The following ITGAV variants were observed in gnomAD, a reference collection of about 807,000 sequenced individuals.
ITGAV encodes the protein integrin alpha-V.
In ITGAV, 76 loss-of-function variants were observed where a neutral mutation model predicts 143.8. That is an observed-to-expected ratio of 0.53 (90% CI 0.44 to 0.64). ITGAV has a LOEUF of 0.64. Ranked by LOEUF, ITGAV falls within the 30% of genes least tolerant of loss-of-function variation. The pLI is 0.00. For missense variants in ITGAV, 1,193 were observed against 1,274.7 expected (o/e 0.94, Z 0.98); for synonymous variants, 453 against 446.7 (o/e 1.01, Z -0.18).
intron 15 of ITGAV, among the ~76,000 whole-genome samples, chr2:186,653,856 G>T (rs537381307): frequency 6.6e-6 from 1 of 152,088 alleles, no homozygotes; most frequent in East Asian, 1.9e-4. Context: ...TCAGAAAATC[G>T]TACTTACCTT....
rs143576598 is a variant in ITGAV, at chr2:186,629,508, C to A, written c.524-1289C>A. Among the ~76,000 whole-genome samples, 503 of 151,848 alleles carry A rather than the reference C, an allele frequency of 3.3e-3. 2 individuals are homozygous for A. The highest frequency in any genetic ancestry group is 0.012 in the African/African-American group (478 of 41,452). On this transcript the variant is annotated intron_variant, in intron 4 of 29. Coordinates refer to ENST00000261023, the MANE Select transcript of ITGAV (RefSeq NM_002210.5). ...TGGAAACCCCTGCCCCACATTTTCC[C>A]ACTCCCTCTTGGTTAGAAAAATTTA...
Position 186,636,146 on chromosome 2 carries a change from C to G in ITGAV, c.696C>G (p.Ile232Met), listed in dbSNP as rs761467033. The change falls in exon 7 of 30, where the codon ATC becomes ATG. Residue 232 changes from isoleucine (I) to methionine (M), a missense_variant. Ile to Met is a conservative substitution (Grantham distance 10, BLOSUM62 1). Transcript: ENST00000261023. ...VSKYDPNVYS[I>M]KYNNQLATRT... is the part of the protein sequence containing the mutation. ...AATACGACCCCAATGTTTACAGCAT[C>G]AAGTATAATAACCAATTAGCAACTC... The G allele has an allele frequency of 2.5e-6, 4 of 1,613,152 alleles. No homozygotes were observed. Among genetic ancestry groups the G allele is most frequent in the Non-Finnish European group, 3.4e-6 (4 of 1,179,588 alleles).
At chr2:186,616,487 C>G (rs1687366458) in intron 2 of ITGAV, among the ~76,000 whole-genome samples, 2 of 151,642 alleles carry the variant, frequency 1.3e-5, no homozygotes, top group Admixed American at 1.3e-4. Context: ...ACCGTGTTAG[C>G]CAGGATGGTC....
At chr2:186,676,589 A>G (rs1689215271) in intron 28 of ITGAV, among the ~76,000 whole-genome samples, 1 of 152,188 alleles carries the variant, frequency 6.6e-6, no homozygotes, top group Non-Finnish European at 1.5e-5. Flanking sequence ...GTCAAAAAAA[A>G]GGAAAACAAA....
intron 6 of ITGAV, among the ~76,000 whole-genome samples, 160 bp from the exon 7 acceptor site, chr2:186,635,922 C>T (rs1687934035): frequency 6.6e-6 from 1 of 152,112 alleles, no homozygotes; most frequent in South Asian, 2.1e-4. Flanking sequence ...TTAAGAATAT[C>T]CATTTTCAAA....
At chr2:186,612,945 C>CTA (rs1687255396) in intron 2 of ITGAV, among the ~76,000 whole-genome samples, 5 of 152,110 alleles carry the variant, frequency 3.3e-5, no homozygotes, top group Non-Finnish European at 5.9e-5. Flanking sequence ...TACAGAATTA[C>CTA]ACAGAGAGCT....
At chr2:186,659,210 T>G in intron 18 of ITGAV, 35 bp downstream of exon 18, 1 of 1,383,328 alleles carries the variant, frequency 7.2e-7, no homozygotes, top group Non-Finnish European at 9.5e-7. Context: ...TGTGATATTT[T>G]GTTATTTTTT....
chr2:186,675,608 G>C lies in ITGAV; in HGVS notation c.2711G>C (p.Cys904Ser). 1 of 1,611,770 alleles carries C rather than the reference G, an allele frequency of 6.2e-7. No homozygotes were observed. The highest frequency in any genetic ancestry group is 8.5e-7 in the Non-Finnish European group (1 of 1,177,856). Residue 904 changes from cysteine (C) to serine (S), a missense_variant, in exon 27 of 30, where the codon TGT becomes TCT. Coordinates refer to ENST00000261023, the MANE Select transcript of ITGAV (RefSeq NM_002210.5). ...GTAAAGGATTTGTTTTGGCAGGGTT[G>C]TGGAGTTGCTCAGTGCTTGAAGATT... ...LSEGDIHTLG[C>S]GVAQCLKIVC...
chr2:186,633,922 G>A (rs2105701564), intron 6 of ITGAV, among the ~76,000 whole-genome samples: 1 of 152,228 alleles, frequency 6.6e-6, no homozygotes, highest in Admixed American at 6.5e-5. Flanking sequence ...CAGCTACTCG[G>A]GAGGTTGAGG....
At chr2:186,595,102 TG>T (rs1686710685) in intron 1 of ITGAV, among the ~76,000 whole-genome samples, 1 of 152,328 alleles carries the variant, frequency 6.6e-6, no homozygotes, top group South Asian at 2.1e-4. Context: ...AATCTGAAAC[TG>T]GAATTGTAGC....
In ITGAV at chr2:186,662,786, C is replaced by T. The variant is rs1297038483; in HGVS notation, c.1858-982C>T. 6.6e-5 allele frequency among the ~76,000 whole-genome samples: 10 copies of T among 152,152 alleles called. No homozygotes were observed. The East Asian group carries it at 1.9e-3, about 29-fold the overall frequency. The stretch of plus-strand genomic sequence containing the variant: ...ATTTTAAATATTGTTAAGGGCTGAA[C>T]TGAGTTCCCCCAAAATGTGTATGTT... On this transcript the variant is annotated intron_variant, in intron 18 of 29. Transcript: ENST00000261023.
intron 12 of ITGAV, among the ~76,000 whole-genome samples, chr2:186,646,042 G>T (rs1688247974): frequency 1.3e-5 from 2 of 152,076 alleles, no homozygotes; most frequent in African/African-American, 4.8e-5. Flanking sequence ...GACTTGTCTA[G>T]GGTGGCAGCA....
At chr2:186,649,003 CACATTTGTGTGTATATATATACACA>C (rs1559058646) in intron 13 of ITGAV, among the ~76,000 whole-genome samples, 1 of 6,126 alleles carries the variant, frequency 1.6e-4, no homozygotes, top group African/African-American at 2.9e-4. Flanking sequence ...TATATATATA[CACATTTGTGTGTATATATATACACA>C]TTTGTGTGTA....
At chr2:186,596,806 T>G (rs1283263446) in intron 1 of ITGAV, among the ~76,000 whole-genome samples, 1 of 152,222 alleles carries the variant, frequency 6.6e-6, no homozygotes, top group African/African-American at 2.4e-5. Flanking sequence ...CTCGTAAGAC[T>G]TTAACATATG....
rs200504455 is a variant in ITGAV, at chr2:186,680,659, A to G, written c.*3367A>G. ...ATGAATTATTCTTTACCAGTTTTGA[A>G]ACACTTTGAAATATCCTAAGGTAAC... is the stretch of plus-strand genomic sequence containing the variant. On this transcript the variant is annotated 3_prime_UTR_variant, in exon 30 of 30. Transcript: ENST00000261023. 52 of 152,728 alleles carry G rather than the reference A, an allele frequency of 3.4e-4. No homozygotes were observed. The highest frequency in any genetic ancestry group is 5.4e-4 in the Non-Finnish European group (37 of 68,002). 9.5% of individuals were successfully genotyped at this position (152,728 alleles called of 1,614,324 possible).
At chr2:186,661,299 G>A (rs1045005249) in intron 18 of ITGAV, among the ~76,000 whole-genome samples, 4 of 152,202 alleles carry the variant, frequency 2.6e-5, no homozygotes, top group Admixed American at 2.6e-4. Flanking sequence ...TACTCAAGTT[G>A]TTCTAAACAT....
chr2:186,632,831 A>T (rs1687849224), intron 5 of ITGAV, among the ~76,000 whole-genome samples: 1 of 152,196 alleles, frequency 6.6e-6, no homozygotes, highest in African/African-American at 2.4e-5. Flanking sequence ...TATGTGAAGC[A>T]GCCAAGATCC....
chr2:186,630,073 G>T (rs762827618), intron 4 of ITGAV, among the ~76,000 whole-genome samples: 1 of 151,946 alleles, frequency 6.6e-6, no homozygotes, highest in African/African-American at 2.4e-5. Flanking sequence ...TTAGATCTCC[G>T]TACTAAACGT....
Position 186,680,711 on chromosome 2 carries a change from A to C in ITGAV, c.*3419A>C, listed in dbSNP as rs1689327929. The C allele has an allele frequency of 6.6e-6, 1 of 152,620 alleles. No individual in the cohort carries two copies. The highest frequency in any genetic ancestry group is 2.4e-5 in the African/African-American group (1 of 41,470). 9.5% of individuals were successfully genotyped at this position (152,620 alleles called of 1,614,324 possible). A position where few individuals can be genotyped will look rare whatever the true frequency, so the allele number is the denominator to read the frequency against. On this transcript the variant is annotated 3_prime_UTR_variant, in exon 30 of 30. Coordinates refer to ENST00000261023, the MANE Select transcript of ITGAV (RefSeq NM_002210.5). ...TGGAAGCTGTGTAGTATATCAAATT[A>C]ATTTGCTACCTAATAACATAGAAAG...
Sources: gnomAD v4.1 joint callset for allele counts (sites outside exome capture counted in the v4.1 genomes callset) on GRCh38, gnomAD v4.1.1 for gene constraint, MANE v1.5 for transcripts, NCBI Gene and HGNC (gene_info 2026-07-23, HGNC 2026-07-21) for gene names.